TTK: variants seen among roughly 807,000 people sequenced by gnomAD.
TTK encodes the protein dual specificity protein kinase TTK.
A neutral mutation model predicts 117.3 loss-of-function variants in TTK; 59 were observed. That is an observed-to-expected ratio of 0.50 (90% CI 0.41 to 0.62). TTK has a LOEUF of 0.62. Ranked by LOEUF, TTK falls within the 20% of genes least tolerant of loss-of-function variation. The pLI is 0.00. For synonymous variants in TTK, 302 were observed against 325.0 expected (o/e 0.93, Z 0.76); for missense variants, 921 against 989.4 (o/e 0.93, Z 0.93).
At chr6:80,006,518 G>A (rs1698161732) in intron 2 of TTK, among the ~76,000 whole-genome samples, 1 of 152,096 alleles carries the variant, frequency 6.6e-6, no homozygotes, top group Admixed American at 6.5e-5. Context: ...TGTACATCAA[G>A]GCAATTGAGT....
intron 4 of TTK, among the ~76,000 whole-genome samples, chr6:80,010,300 A>T (rs763428120): frequency 4.0e-5 from 6 of 151,856 alleles, no homozygotes; most frequent in Non-Finnish European, 7.4e-5. Context: ...ATTAATCTGT[A>T]TTTATTATGT....
intron 4 of TTK, among the ~76,000 whole-genome samples, chr6:80,008,785 T>C (rs1181104856): frequency 6.6e-6 from 1 of 152,104 alleles, no homozygotes; most frequent in Non-Finnish European, 1.5e-5. Flanking sequence ...ACTGAGTATT[T>C]GTAGGAAGAA....
intron 14 of TTK, among the ~76,000 whole-genome samples, chr6:80,034,163 C>T (rs1767829014): frequency 6.6e-6 from 1 of 152,106 alleles, no homozygotes; most frequent in Non-Finnish European, 1.5e-5. Context: ...CTTTATGAAA[C>T]TAATACCATT....
intron 2 of TTK, among the ~76,000 whole-genome samples, chr6:80,007,590 A>G (rs911978040): frequency 2.0e-5 from 3 of 152,126 alleles, no homozygotes; most frequent in Admixed American, 6.5e-5. Context: ...CCTTCAAAAT[A>G]TATAGCTTTT....
chr6:80,035,258 A>G lies in TTK; in HGVS notation c.1773-8A>G. ...ATTGTTTTGTTGCTTTTATTTGTTT[A>G]ATTGCAGTGAAATCACGGACCAGTA... On this transcript the variant is annotated splice_region_variant and splice_polypyrimidine_tract_variant and intron_variant, in intron 15 of 21. Coordinates refer to ENST00000369798, the MANE Select transcript of TTK (RefSeq NM_003318.5). 1 of 1,578,662 alleles carries G rather than the reference A, an allele frequency of 6.3e-7. No homozygotes were observed. Among genetic ancestry groups the G allele is most frequent in the Non-Finnish European group, 8.6e-7 (1 of 1,166,508 alleles).
At chr6:80,026,246 G>T in intron 11 of TTK, 132 bp from the exon 12 acceptor site, 8 of 895,226 alleles carry the variant, frequency 8.9e-6, no homozygotes, top group Non-Finnish European at 1.1e-5. Context: ...GTATATATAT[G>T]CCTATCTCTT....
chr6:80,020,413 C>T (rs556951834), intron 10 of TTK, among the ~76,000 whole-genome samples: 1 of 152,172 alleles, frequency 6.6e-6, no homozygotes, highest in African/African-American at 2.4e-5. Flanking sequence ...AAAACAAAAT[C>T]TCCAAGTGAG....
chr6:80,038,656 T>G (rs528688911), intron 18 of TTK, among the ~76,000 whole-genome samples: 1 of 152,310 alleles, frequency 6.6e-6, no homozygotes, highest in Non-Finnish European at 1.5e-5. Flanking sequence ...AATGTGTTTT[T>G]ATTTACTAAA....
Position 80,007,149 on chromosome 6 carries a change from A to G in TTK, c.140-660A>G, listed in dbSNP as rs1473939194. Among the ~76,000 whole-genome samples the G allele has an allele frequency of 2.0e-5, 3 of 152,196 alleles. No individual in the cohort carries two copies. In the East Asian group the frequency reaches 5.8e-4, roughly 29 times the overall value. The stretch of plus-strand genomic sequence containing the variant: ...CACAGAGAGAAACCTGACAGTCACA[A>G]GAGGTCCTATAAATTCCAAAGGTCT... On this transcript the variant is annotated intron_variant, in intron 2 of 21. Transcript: ENST00000369798.
chr6:80,008,526 A>G (rs769440882), intron 4 of TTK, 34 bp downstream of exon 4: 6 of 1,563,628 alleles, frequency 3.8e-6, no homozygotes, highest in Non-Finnish European at 4.4e-6. Flanking sequence ...AATTTTAAGT[A>G]AAGGATAACT....
chr6:80,019,343 T>C (rs1169133977), intron 10 of TTK, among the ~76,000 whole-genome samples: 3 of 152,188 alleles, frequency 2.0e-5, no homozygotes, highest in African/African-American at 7.2e-5. Context: ...ATGCTAGCAG[T>C]TGGAGAATGC....
chr6:80,015,981 C>A (rs926039638), intron 10 of TTK, among the ~76,000 whole-genome samples: 1 of 152,140 alleles, frequency 6.6e-6, no homozygotes, highest in African/African-American at 2.4e-5. Flanking sequence ...ATTTCTAACA[C>A]CACAGAATGA....
At position 80,040,277 on chromosome 6, in the gene TTK, C is replaced by T; in HGVS notation, c.2389C>T (p.Pro797Ser). The T allele has an allele frequency of 6.3e-7, 1 of 1,577,602 alleles. No homozygotes were observed. The highest frequency in any genetic ancestry group is 8.6e-7 in the Non-Finnish European group (1 of 1,164,626). The change falls in exon 20 of 22, where the codon CCA (proline) becomes TCA (serine). Residue 797 changes from proline (P) to serine (S), a missense_variant. Physicochemically the swap from Pro to Ser is moderately conservative, Grantham distance 74. Transcript: ENST00000369798. ...AHPYVQIQTH[P>S]VNQMAKGTTE... ...TCCATATGTTCAAATTCAAACTCAT[C>T]CAGGTACTACTTCTTTAAAAATTTG...
At position 80,007,950 on chromosome 6, in the gene TTK, C is replaced by G. The variant is rs1239713358; in HGVS notation, c.281C>G (p.Ala94Gly). 2 of 1,613,618 alleles carry G rather than the reference C, an allele frequency of 1.2e-6. No individual in the cohort carries two copies. Among genetic ancestry groups the G allele is most frequent in the Admixed American group, 1.7e-5 (1 of 60,000 alleles). ...AAATTGATTGGTCGTTACAGTCAAG[C>G]AATTGAAGCGCTTCCCCCAGATAAA... ...LNKLIGRYSQAIEALPPDKYG... is the reference protein window; with the variant it reads ...LNKLIGRYSQGIEALPPDKYG... Residue 94 changes from alanine to glycine, a missense_variant, in exon 3 of 22, where the codon GCA becomes GGA. Ala to Gly is a moderately conservative substitution (Grantham distance 60). Coordinates refer to ENST00000369798, the MANE Select transcript of TTK (RefSeq NM_003318.5).
In TTK at chr6:80,036,597, C is replaced by A; in HGVS notation, c.2047C>A (p.Gln683Lys). The A allele has an allele frequency of 6.2e-7, 1 of 1,606,358 alleles. No individual in the cohort carries two copies. Among genetic ancestry groups the A allele is most frequent in the Non-Finnish European group, 8.5e-7 (1 of 1,176,776 alleles). ...PDTTSVVKDS[Q>K]VGTVNYMPPE... Reference sequence around the variant, plus strand: ...TACAACAAGTGTTGTTAAAGATTCTCAGGTAAGACTTAATGTTGGTTCTCT... The same window carrying A: ...TACAACAAGTGTTGTTAAAGATTCTAAGGTAAGACTTAATGTTGGTTCTCT... Residue 683 changes from glutamine to lysine, a missense_variant and splice_region_variant, in exon 17 of 22, where the codon CAG becomes AAG. By Grantham distance (53) the Gln-to-Lys change is moderately conservative (BLOSUM62 1). Coordinates refer to ENST00000369798, the MANE Select transcript of TTK (RefSeq NM_003318.5).
chr6:80,033,010 A>G (rs982567696), intron 14 of TTK, among the ~76,000 whole-genome samples: 2 of 152,182 alleles, frequency 1.3e-5, no homozygotes, highest in African/African-American at 4.8e-5. Flanking sequence ...CAATATTGAA[A>G]TGTATAATAT....
In TTK at chr6:80,022,414, C is replaced by G. The variant is rs1374126913; in HGVS notation, c.1199C>G (p.Pro400Arg). The change falls in exon 11 of 22, where the codon CCT becomes CGT. Residue 400 changes from proline to arginine, a missense_variant. Pro to Arg is a moderately radical substitution (Grantham distance 103). Transcript: ENST00000369798. The stretch of plus-strand genomic sequence containing the variant: ...AAGTCAGAGTGTATTAACCAGAATC[C>G]TGCTGCATCTTCAAATCACTGGCAG... ...KRKSECINQN[P>R]AASSNHWQIP... 3 of 1,613,900 alleles carry G rather than the reference C, an allele frequency of 1.9e-6. No individual in the cohort carries two copies. In the South Asian group the frequency reaches 3.3e-5, roughly 18 times the overall value.
chr6:80,021,456 A>G (rs966359809), intron 10 of TTK, among the ~76,000 whole-genome samples: 1 of 152,228 alleles, frequency 6.6e-6, no homozygotes, highest in African/African-American at 2.4e-5. Context: ...AACTGACTCA[A>G]GTCCGGCTCT....
intron 11 of TTK, among the ~76,000 whole-genome samples, 200 bp downstream of exon 11, chr6:80,022,672 A>G (rs993718350): frequency 1.4e-4 from 22 of 152,236 alleles, no homozygotes; most frequent in African/African-American, 4.6e-4. Flanking sequence ...ATTATTTTCT[A>G]TCTTCGATAG....
Sources: allele counts gnomAD v4.1 joint callset (sites outside exome capture counted in the v4.1 genomes callset), GRCh38; gene constraint gnomAD v4.1.1; transcripts MANE v1.5; gene names NCBI Gene and HGNC (gene_info 2026-07-23, HGNC 2026-07-21).